The following INO80 variants were observed in gnomAD, a reference collection of about 807,000 sequenced individuals.
INO80 encodes the protein INO80 complex ATPase subunit, also known as chromatin-remodeling ATPase INO80.
A neutral mutation model predicts 203.4 loss-of-function variants in INO80; 20 were observed. That is an observed-to-expected ratio of 0.10 (90% CI 0.07 to 0.14). INO80 has a LOEUF of 0.14. Among genes scored for constraint, INO80 ranks in the 10% least tolerant of loss-of-function variants. The pLI is 1.00. For synonymous variants in INO80, 726 were observed against 685.2 expected (o/e 1.06, Z -0.93); for missense variants, 1,419 against 1,914.4 (o/e 0.74, Z 4.83).
In INO80 at chr15:41,020,888, T is replaced by C. The variant is rs753238062; in HGVS notation, c.3274+12A>G. On this transcript the variant is annotated intron_variant, in intron 26 of 35. Coordinates refer to ENST00000648947, the MANE Select transcript of INO80 (RefSeq NM_017553.3). ...AAGCGAGGAACACATTCCAAGAGGA[T>C]TGAGAACTCACCTGGAATCCTGATG... 76 of 1,566,018 alleles carry C rather than the reference T, an allele frequency of 4.9e-5. No homozygotes were observed. The East Asian group carries it at 1.6e-3, about 33-fold the overall frequency.
intron 19 of INO80, 54 bp downstream of exon 19, chr15:41,053,875 A>C (rs2044933065): frequency 1.5e-6 from 2 of 1,322,828 alleles, no homozygotes; most frequent in African/African-American, 2.9e-5. Context: ...CTCCCCCTGG[A>C]ATCTTAAGTT....
intron 27 of INO80, among the ~76,000 whole-genome samples, chr15:41,010,891 C>T (rs1003546847): frequency 3.3e-5 from 5 of 152,142 alleles, no homozygotes; most frequent in African/African-American, 1.2e-4. Context: ...TTTTCTTGGA[C>T]ATGCTGTTTT....
At chr15:41,001,341 C>G (rs2043956356) in intron 28 of INO80, among the ~76,000 whole-genome samples, 1 of 131,160 alleles carries the variant, frequency 7.6e-6, no homozygotes, top group Non-Finnish European at 1.7e-5. Context: ...CTCGCTCTCA[C>G]TCTTCTTTAA....
Position 40,983,071 on chromosome 15 carries a change from G to C in INO80, c.4244C>G (p.Ser1415Cys). 6.2e-7 allele frequency: 1 copy of C among 1,611,840 alleles called. No homozygotes were observed. Among genetic ancestry groups the C allele is most frequent in the Non-Finnish European group, 8.5e-7 (1 of 1,178,854 alleles). ...GSVSDTVNGI[S>C]IQEMPAAGRG... ...TCCTGCAGCTGGCATTTCCTGAATG[G>C]AAATTCCTGTGGGAACAAATGGGCC... The change falls in exon 35 of 36, where the codon TCC becomes TGC. Residue 1415 changes from serine to cysteine, a missense_variant. This residue lies in a region of INO80 where 214 missense variants were observed against 248.9 expected (regional missense o/e 0.86). Coordinates refer to ENST00000648947, the MANE Select transcript of INO80 (RefSeq NM_017553.3).
intron 14 of INO80, among the ~76,000 whole-genome samples, chr15:41,061,557 A>C (rs765318182): frequency 6.6e-6 from 1 of 151,702 alleles, no homozygotes; most frequent in Non-Finnish European, 1.5e-5. Flanking sequence ...CAGGAAGCAG[A>C]AGTTGCAGTG....
At chr15:41,110,475 G>A (rs2045943425) in intron 1 of INO80, among the ~76,000 whole-genome samples, 1 of 149,236 alleles carries the variant, frequency 6.7e-6, no homozygotes, top group Non-Finnish European at 1.5e-5. Context: ...GGTCTCGCTT[G>A]TCACCCAGGC....
At chr15:41,045,827 G>A (rs2140520461) in intron 23 of INO80, among the ~76,000 whole-genome samples, 1 of 151,888 alleles carries the variant, frequency 6.6e-6, no homozygotes, top group East Asian at 1.9e-4. Flanking sequence ...CTTGAACCCA[G>A]GAAGCGGAGG....
At chr15:41,070,943 C>A (rs1053187154) in intron 12 of INO80, among the ~76,000 whole-genome samples, 1 of 152,192 alleles carries the variant, frequency 6.6e-6, no homozygotes, top group Non-Finnish European at 1.5e-5. Context: ...CCGAGGCAGG[C>A]ATATCGCATG....
chr15:40,993,785 A>AAAAGAG (rs1566902789), intron 29 of INO80, among the ~76,000 whole-genome samples: 2 of 151,554 alleles, frequency 1.3e-5, no homozygotes, highest in Non-Finnish European at 2.9e-5. Flanking sequence ...AATAAAAAGA[A>AAAAGAG]AAAGAAAATA....
intron 8 of INO80, among the ~76,000 whole-genome samples, chr15:41,080,673 T>A (rs1245298124): frequency 1.3e-5 from 2 of 152,060 alleles, no homozygotes; most frequent in Non-Finnish European, 2.9e-5. Flanking sequence ...CTGGCCAACA[T>A]GGTGAAACTG....
chr15:41,107,570 A>G (rs2045898514), intron 1 of INO80, among the ~76,000 whole-genome samples: 1 of 151,650 alleles, frequency 6.6e-6, no homozygotes, highest in Admixed American at 6.6e-5. Flanking sequence ...GAGGCCAAGG[A>G]GGGTGGATCA....
chr15:41,055,945 G>GTT (rs5812185), intron 17 of INO80, among the ~76,000 whole-genome samples: 1,331 of 128,508 alleles, frequency 0.01, 16 homozygotes, highest in East Asian at 0.039. Context: ...TCTTCTTTTG[G>GTT]TTTTTTTTTT....
rs200515679 is a variant in INO80 at position 40,983,949 on chromosome 15, C to T, written c.4078-28G>A. On this transcript the variant is annotated intron_variant, in intron 33 of 35. Coordinates refer to ENST00000648947, the MANE Select transcript of INO80 (RefSeq NM_017553.3). ...AGAAGAGGAAGGGTTAAGATCATTA[C>T]GACCCCCTGTGCTCACCGCCCATGG... 166 of 1,610,444 alleles carry T rather than the reference C, an allele frequency of 1.0e-4. 1 individual carries two copies. The East Asian group carries it at 2.5e-3, about 24-fold the overall frequency.
In INO80 at chr15:40,985,357, C is replaced by T. The variant is rs767777234; in HGVS notation, c.3902G>A (p.Arg1301Gln). 24 of 1,613,716 alleles carry T rather than the reference C, an allele frequency of 1.5e-5. No homozygotes were observed. The highest frequency in any genetic ancestry group is 4.4e-5 in the South Asian group (4 of 91,082). Residue 1301 changes from arginine (R) to glutamine (Q), a missense_variant, in exon 32 of 36, where the codon CGG (arginine) becomes CAG (glutamine). Physicochemically the swap from Arg to Gln is conservative, Grantham distance 43. Coordinates refer to ENST00000648947, the MANE Select transcript of INO80 (RefSeq NM_017553.3). ...TNRVKERKRKREKYAEKKKKE... is the reference protein window; with the variant it reads ...TNRVKERKRKQEKYAEKKKKE... ...AAATACCTTCTCTGCATACTTTTCC[C>T]GCTTCCGCTTGCGCTCTTTCACTCG...
At chr15:41,039,340 T>C (rs1207690688) in intron 24 of INO80, among the ~76,000 whole-genome samples, 2 of 152,222 alleles carry the variant, frequency 1.3e-5, no homozygotes, top group Admixed American at 1.3e-4. Context: ...AACTCTACCA[T>C]TCATTATCTA....
At chr15:41,102,483 A>G (rs563677505) in intron 1 of INO80, among the ~76,000 whole-genome samples, 2 of 152,240 alleles carry the variant, frequency 1.3e-5, no homozygotes, top group African/African-American at 4.8e-5. Flanking sequence ...CCTGACCAAT[A>G]TGGTGAAACC....
At chr15:41,087,240 A>T (rs149940168) in intron 6 of INO80, among the ~76,000 whole-genome samples, 40 of 152,310 alleles carry the variant, frequency 2.6e-4, no homozygotes, top group African/African-American at 9.6e-4. Context: ...TAGCATTTAC[A>T]TCATATGAGG....
At position 41,057,598 on chromosome 15, in the gene INO80, A is replaced by G. The variant is rs531067545; in HGVS notation, c.1986-892T>C. On this transcript the variant is annotated intron_variant, in intron 16 of 35. Coordinates refer to ENST00000648947, the MANE Select transcript of INO80 (RefSeq NM_017553.3). ...GATAACCTGAGGTCAGGAGTTCGAG[A>G]CAAGCCTGGCCACCATGGCAAAACC... 3.9e-5 allele frequency among the ~76,000 whole-genome samples: 6 copies of G among 152,116 alleles called. No individual in the cohort carries two copies. In the South Asian group the frequency reaches 1.2e-3, roughly 32 times the overall value.
At chr15:40,994,302 T>C (rs2043851764) in intron 29 of INO80, among the ~76,000 whole-genome samples, 1 of 152,192 alleles carries the variant, frequency 6.6e-6, no homozygotes, top group Admixed American at 6.5e-5. Flanking sequence ...CAGCAACCCC[T>C]GATCATTCTC....
Sources: gnomAD v4.1 joint callset for allele counts (sites outside exome capture counted in the v4.1 genomes callset) on GRCh38, gnomAD v4.1.1 for gene constraint, gnomAD v4.1.1 regional missense constraint, MANE v1.5 for transcripts, NCBI Gene and HGNC (gene_info 2026-07-23, HGNC 2026-07-21) for gene names.